MAPK8: variants seen among roughly 807,000 people sequenced by gnomAD.
MAPK8 encodes mitogen-activated protein kinase 8.
Under a neutral mutation model 52.9 loss-of-function variants are expected in MAPK8, and 13 were observed. The observed-to-expected ratio is 0.25, with a 90% CI of 0.16 to 0.39. The LOEUF is 0.39. MAPK8 is among the 10% of genes least tolerant of loss of function. The probability of loss-of-function intolerance (pLI) is 1.00; values close to 1 mark genes in which losing one functional copy is unlikely to be tolerated. For missense variants in MAPK8, 300 were observed against 519.2 expected (o/e 0.58, Z 4.10); for synonymous variants, 191 against 169.8 (o/e 1.12, Z -0.97).
chr10:48,436,314 G>T lies in MAPK8; in HGVS notation c.*1285G>T, dbSNP rs1018019051. 2 of 152,196 alleles carry T rather than the reference G, an allele frequency of 1.3e-5. No homozygotes were observed. Among genetic ancestry groups the T allele is most frequent in the African/African-American group, 4.8e-5 (2 of 41,454 alleles). The allele number at this position is 152,196 out of a possible 1,614,324, so 9.4% of individuals were successfully genotyped here. ...TAACACGCAATGTGGATGTCGAGTA[G>T]TGTTAAGAATGGTGCTGCTCCTGAC... On this transcript the variant is annotated 3_prime_UTR_variant, in exon 12 of 12. Transcript: ENST00000374189.
At chr10:48,369,315 T>C (rs1848343396) in intron 1 of MAPK8, among the ~76,000 whole-genome samples, 1 of 152,142 alleles carries the variant, frequency 6.6e-6, no homozygotes, top group Admixed American at 6.6e-5. Context: ...TGTATGTAGA[T>C]TGGATATTGG....
intron 1 of MAPK8, among the ~76,000 whole-genome samples, chr10:48,371,136 AATGATGTATTATTATATG>A (rs1399867909): frequency 5.3e-5 from 8 of 152,106 alleles, no homozygotes; most frequent in Non-Finnish European, 1.5e-5. Context: ...ATTGCCAATG[AATGATGTATTATTATATG>A]TGATTTTTAA....
chr10:48,386,447 A>C (rs967566395), intron 1 of MAPK8, among the ~76,000 whole-genome samples: 1 of 152,194 alleles, frequency 6.6e-6, no homozygotes, highest in African/African-American at 2.4e-5. Flanking sequence ...TAGATGACCT[A>C]TTTATTCAGT....
chr10:48,321,093 T>G lies in MAPK8; in HGVS notation c.-50+14272T>G, dbSNP rs199597188. Among the ~76,000 whole-genome samples the G allele has an allele frequency of 9.5e-5, 14 of 147,630 alleles. No individual in the cohort carries two copies. In the East Asian group the frequency reaches 2.9e-3, roughly 31 times the overall value. On this transcript the variant is annotated intron_variant, in intron 1 of 11. Transcript: ENST00000374189. ...TCTTTTTATTACGTTGTAAGAGTTT[T>G]TTTTTTTTTTTTTTTTTTTAAGAGA...
intron 1 of MAPK8, among the ~76,000 whole-genome samples, chr10:48,327,383 G>A (rs977407205): frequency 7.9e-5 from 12 of 152,270 alleles, no homozygotes; most frequent in South Asian, 2.1e-4. Flanking sequence ...TGGTGGATTA[G>A]GGTTACATTA....
rs772049527 is a variant in MAPK8, at chr10:48,424,172, T to A, written c.688+13T>A. The stretch of plus-strand genomic sequence containing the variant: ...CCAGGAAGGGACTGTATCCTTGTGC[T>A]GCTGCAGCAGTTAATTAGTTAGGCG... On this transcript the variant is annotated intron_variant, in intron 7 of 11. Coordinates refer to ENST00000374189, the MANE Select transcript of MAPK8 (RefSeq NM_001323329.2). The A allele has an allele frequency of 6.2e-7, 1 of 1,609,378 alleles. No homozygotes were observed. Among genetic ancestry groups the A allele is most frequent in the Non-Finnish European group, 8.5e-7 (1 of 1,176,572 alleles).
intron 2 of MAPK8, among the ~76,000 whole-genome samples, chr10:48,403,966 G>A (rs897034366): frequency 2.4e-4 from 25 of 102,076 alleles, no homozygotes; most frequent in African/African-American, 9.6e-4. Flanking sequence ...TGTATTTTTA[G>A]TAGAGACAGG....
chr10:48,334,690 A>T (rs10776596), intron 1 of MAPK8, among the ~76,000 whole-genome samples: 3 of 151,782 alleles, frequency 2.0e-5, no homozygotes, highest in South Asian at 2.1e-4. Context: ...GACTCTACGC[A>T]GGCATAAAGA....
At chr10:48,417,070 TAG>T (rs1468993936) in intron 5 of MAPK8, among the ~76,000 whole-genome samples, 1 of 152,142 alleles carries the variant, frequency 6.6e-6, no homozygotes, top group African/African-American at 2.4e-5. Context: ...CTCTACCCAC[TAG>T]ATGCCAGTAG....
chr10:48,356,408 GAGAAA>G (rs1846944500), intron 1 of MAPK8, among the ~76,000 whole-genome samples: 1 of 152,058 alleles, frequency 6.6e-6, no homozygotes, highest in Non-Finnish European at 1.5e-5. Flanking sequence ...AATCCAAAAG[GAGAAA>G]AACCCAGAAA....
In MAPK8 at chr10:48,353,821, A is replaced by T. The variant is rs549093027; in HGVS notation, c.-50+47000A>T. Among the ~76,000 whole-genome samples the T allele has an allele frequency of 2.6e-5, 4 of 152,344 alleles. No individual in the cohort carries two copies. The East Asian group carries it at 7.7e-4, about 29-fold the overall frequency. On this transcript the variant is annotated intron_variant, in intron 1 of 11. Transcript: ENST00000374189. ...AGAACATTCTTGAAATGACAAAATTATAGACATGGAGGACAAATAACAGAT... is the reference window on the plus strand; with the variant it reads ...AGAACATTCTTGAAATGACAAAATTTTAGACATGGAGGACAAATAACAGAT...
intron 1 of MAPK8, among the ~76,000 whole-genome samples, chr10:48,364,195 A>G (rs1287879680): frequency 6.6e-6 from 1 of 152,182 alleles, no homozygotes; most frequent in African/African-American, 2.4e-5. Context: ...GGAGGGAAAT[A>G]CCAGGATGAC....
chr10:48,351,480 G>T (rs912070126), intron 1 of MAPK8, among the ~76,000 whole-genome samples: 3 of 151,964 alleles, frequency 2.0e-5, no homozygotes, highest in Non-Finnish European at 4.4e-5. Flanking sequence ...AAAGTGTTGG[G>T]ATTGTACCCA....
At chr10:48,357,501 C>T (rs1847092711) in intron 1 of MAPK8, among the ~76,000 whole-genome samples, 1 of 152,034 alleles carries the variant, frequency 6.6e-6, no homozygotes, top group South Asian at 2.1e-4. Flanking sequence ...TCAGGTGATC[C>T]TCCCACCTCA....
At chr10:48,373,570 G>GAA (rs2040455794) in intron 1 of MAPK8, among the ~76,000 whole-genome samples, 2 of 1,730 alleles carry the variant, frequency 1.2e-3, no homozygotes, top group Non-Finnish European at 2.1e-3. Flanking sequence ...TAAATTGAAA[G>GAA]CAAAAAAAAA....
At chr10:48,413,455 T>C (rs995797313) in intron 5 of MAPK8, among the ~76,000 whole-genome samples, 1 of 152,178 alleles carries the variant, frequency 6.6e-6, no homozygotes, top group Admixed American at 6.5e-5. Context: ...CACTTTTATT[T>C]TTTTCATAGT....
intron 1 of MAPK8, among the ~76,000 whole-genome samples, chr10:48,340,320 A>T (rs1199072839): frequency 1.3e-5 from 2 of 152,194 alleles, no homozygotes; most frequent in Non-Finnish European, 2.9e-5. Flanking sequence ...GTATGTTCTT[A>T]CTTATAAGTG....
intron 5 of MAPK8, among the ~76,000 whole-genome samples, chr10:48,414,523 GT>G (rs1666015641): frequency 7.4e-6 from 1 of 135,572 alleles, no homozygotes; most frequent in South Asian, 2.4e-4. Flanking sequence ...CGTAATCATA[GT>G]TCACTTGCAG....
At chr10:48,321,033 A>C (rs1193721747) in intron 1 of MAPK8, among the ~76,000 whole-genome samples, 1 of 150,710 alleles carries the variant, frequency 6.6e-6, no homozygotes, top group Non-Finnish European at 1.5e-5. Context: ...GAAGTATTTC[A>C]GATTCTTTGC....
Sources: gnomAD v4.1 joint callset for allele counts (sites outside exome capture counted in the v4.1 genomes callset) on GRCh38, gnomAD v4.1.1 for gene constraint, MANE v1.5 for transcripts, NCBI Gene and HGNC (gene_info 2026-07-23, HGNC 2026-07-21) for gene names.